The following SOX6 variants were observed in gnomAD, a reference collection of about 807,000 sequenced individuals.
The protein encoded by SOX6 is transcription factor SOX-6.
In SOX6, 11 loss-of-function variants were observed where a neutral mutation model predicts 97.8. The ratio of observed to expected loss-of-function variants is 0.11; its 90% CI spans 0.07 to 0.19. The LOEUF (loss-of-function observed/expected upper bound fraction) is 0.19, where lower values mean the gene tolerates loss of function less well. Among genes scored for constraint, SOX6 ranks in the 10% least tolerant of loss-of-function variants. SOX6 has a pLI of 1.00. For missense variants in SOX6, 810 were observed against 1,039.5 expected, an observed-to-expected ratio of 0.78 and a Z score of 3.04; for synonymous variants, 360 against 371.4, an observed-to-expected ratio of 0.97 and a Z score of 0.35.
intron 3 of SOX6, among the ~76,000 whole-genome samples, chr11:16,653,231 T>G (rs1285210359): frequency 6.6e-6 from 1 of 152,144 alleles, no homozygotes; most frequent in Non-Finnish European, 1.5e-5. Flanking sequence ...GAACTAAAAG[T>G]AGATCTACTA....
At chr11:16,304,098 T>C (rs1365135769) in intron 3 of SOX6, among the ~76,000 whole-genome samples, 1 of 152,066 alleles carries the variant, frequency 6.6e-6, no homozygotes, top group Non-Finnish European at 1.5e-5. Flanking sequence ...GTATTTTTAG[T>C]AGAGATGGGA....
chr11:16,177,458 A>G (rs1851224026), intron 6 of SOX6, among the ~76,000 whole-genome samples: 1 of 151,974 alleles, frequency 6.6e-6, no homozygotes, highest in South Asian at 2.1e-4. Context: ...CTTTTGGTGT[A>G]TATACACTTC....
chr11:16,058,017 T>A (rs1308426296), intron 9 of SOX6, among the ~76,000 whole-genome samples: 3 of 152,102 alleles, frequency 2.0e-5, no homozygotes, highest in Non-Finnish European at 2.9e-5. Flanking sequence ...CAAACTCATG[T>A]CTTTGTATTC....
At chr11:16,583,522 T>G (rs1057126514) in intron 4 of SOX6, among the ~76,000 whole-genome samples, 7 of 149,536 alleles carry the variant, frequency 4.7e-5, no homozygotes, top group Non-Finnish European at 1.0e-4. Context: ...CATATATGAG[T>G]GACAACATGT....
At chr11:16,502,059 A>C (rs1565164826) in intron 4 of SOX6, among the ~76,000 whole-genome samples, 1 of 152,218 alleles carries the variant, frequency 6.6e-6, no homozygotes, top group Admixed American at 6.5e-5. Flanking sequence ...CTTGGAACCA[A>C]GCCTAATGTC....
At chr11:16,449,333 C>T in intron 1 of SOX6, among the ~76,000 whole-genome samples, 1 of 122,968 alleles carries the variant, frequency 8.1e-6, no homozygotes, top group East Asian at 2.5e-4. Context: ...CGCTGTGTCG[C>T]CCAGGCTGGA....
intron 4 of SOX6, among the ~76,000 whole-genome samples, chr11:16,575,566 T>C (rs1847979322): frequency 1.3e-5 from 2 of 152,082 alleles, no homozygotes; most frequent in African/African-American, 4.8e-5. Flanking sequence ...ATCAATGAAG[T>C]AGGTCTTCAT....
intron 3 of SOX6, among the ~76,000 whole-genome samples, chr11:16,688,034 AT>A (rs1278223689): frequency 6.6e-6 from 1 of 151,868 alleles, no homozygotes; most frequent in African/African-American, 2.4e-5. Flanking sequence ...GTGCAGTGGC[AT>A]GATCTTGGCT....
chr11:16,381,767 T>C (rs2134410418), intron 1 of SOX6, among the ~76,000 whole-genome samples: 1 of 151,860 alleles, frequency 6.6e-6, no homozygotes, highest in East Asian at 1.9e-4. Context: ...TAAAATTTCT[T>C]CTTATTCCCC....
At chr11:16,372,649 G>C (rs1857522200) in intron 1 of SOX6, among the ~76,000 whole-genome samples, 4 of 152,010 alleles carry the variant, frequency 2.6e-5, no homozygotes, top group Admixed American at 2.6e-4. Flanking sequence ...CAAGAAGCTA[G>C]AACACTGATT....
intron 1 of SOX6, among the ~76,000 whole-genome samples, chr11:16,369,509 T>C (rs1437664608): frequency 6.6e-6 from 1 of 152,204 alleles, no homozygotes; most frequent in Non-Finnish European, 1.5e-5. Flanking sequence ...ATTAGTTTCT[T>C]GCCTGGAGAT....
At chr11:16,273,138 A>G (rs887420902) in intron 3 of SOX6, among the ~76,000 whole-genome samples, 1 of 151,818 alleles carries the variant, frequency 6.6e-6, no homozygotes, top group African/African-American at 2.4e-5. Flanking sequence ...TCAGAAAAAA[A>G]ATTACCAACA....
At chr11:16,156,867 T>C (rs1250819062) in intron 6 of SOX6, among the ~76,000 whole-genome samples, 1 of 152,064 alleles carries the variant, frequency 6.6e-6, no homozygotes, top group Non-Finnish European at 1.5e-5. Flanking sequence ...CATCACTCTA[T>C]ATTCTTACTT....
At chr11:16,296,569 G>C (rs1322184577) in intron 3 of SOX6, among the ~76,000 whole-genome samples, 2 of 152,088 alleles carry the variant, frequency 1.3e-5, no homozygotes, top group Admixed American at 1.3e-4. Flanking sequence ...GTAGCTCACT[G>C]TTTAAATGAG....
intron 4 of SOX6, among the ~76,000 whole-genome samples, chr11:16,508,652 A>G (rs543748329): frequency 0.016 from 2,420 of 152,044 alleles, 61 homozygotes; most frequent in African/African-American, 0.055. Context: ...GATCATGGAG[A>G]GAGAGTATAG....
intron 4 of SOX6, among the ~76,000 whole-genome samples, chr11:16,546,715 T>C (rs1434492857): frequency 6.6e-6 from 1 of 152,022 alleles, no homozygotes; most frequent in Non-Finnish European, 1.5e-5. Context: ...ACGAATTTTA[T>C]AGCTAAGACC....
intron 3 of SOX6, among the ~76,000 whole-genome samples, chr11:16,695,841 A>C (rs2134078): frequency 0.27 from 40,682 of 151,512 alleles, 6,096 homozygotes; most frequent in East Asian, 0.48. Flanking sequence ...GAAAAAAAAA[A>C]ACACACACAC....
intron 1 of SOX6, among the ~76,000 whole-genome samples, chr11:16,399,756 A>C (rs2134440188): frequency 6.6e-6 from 1 of 151,540 alleles, no homozygotes; most frequent in South Asian, 2.1e-4. Flanking sequence ...CTCATCCAAA[A>C]CCATCTACCT....
intron 3 of SOX6, among the ~76,000 whole-genome samples, chr11:16,244,342 G>A (rs746037856): frequency 9.2e-5 from 14 of 151,726 alleles, no homozygotes; most frequent in Admixed American, 2.0e-4. Context: ...TTGTGAAGTC[G>A]TCTCTCAAAT....
Sources: allele counts gnomAD v4.1 joint callset (sites outside exome capture counted in the v4.1 genomes callset), GRCh38; gene constraint gnomAD v4.1.1; transcripts MANE v1.5; gene names NCBI Gene and HGNC (gene_info 2026-07-23, HGNC 2026-07-21).